The following NT5DC4 variants were observed in gnomAD, a reference collection of about 807,000 sequenced individuals.
NT5DC4 encodes 5'-nucleotidase domain containing 4.
In NT5DC4, 44 loss-of-function variants were observed where a neutral mutation model predicts 26.6. The ratio of observed to expected loss-of-function variants is 1.65; its 90% confidence interval spans 1.30 to 2.13. The LOEUF (loss-of-function observed/expected upper bound fraction) is 2.13, where lower values mean the gene tolerates loss of function less well. Ranked by LOEUF, NT5DC4 falls within the 30% of genes most tolerant of loss-of-function variation. The probability of loss-of-function intolerance (pLI) is 0.00; values close to 1 mark genes in which losing one functional copy is unlikely to be tolerated. For synonymous variants in NT5DC4, 157 were observed against 86.7 expected (o/e 1.81, Z -4.51); for missense variants, 399 against 228.1 (o/e 1.75, Z -4.83).
rs552082901 is a variant in NT5DC4, at chr2:112,721,152, C to T, written c.73C>T (p.Arg25Trp). ...PQGPKQDWHQ[R>W]IFVNRSLALG... ...AGGCCCGAAGCAGGACTGGCACCAG[C>T]GGTGAGATGGGCACCTGGGGTGGGG... Residue 25 changes from arginine (R) to tryptophan (W), a missense_variant and splice_region_variant, in exon 1 of 17, where the codon CGG becomes TGG. Coordinates refer to ENST00000688554, the MANE Select transcript of NT5DC4 (RefSeq NM_001393655.1). 5.9e-5 allele frequency among the ~76,000 whole-genome samples: 9 copies of T among 152,310 alleles called. No homozygotes were observed. The South Asian group carries it at 1.0e-3, about 18-fold the overall frequency.
chr2:112,742,529 A>C, downstream of NT5DC4: 2 of 713,582 alleles, frequency 2.8e-6, no homozygotes, highest in South Asian at 1.5e-5. Context: ...TAGTGCATTT[A>C]CTTGTAATAA....
At chr2:112,727,608 T>C (rs1677909436) in intron 15 of NT5DC4, among the ~76,000 whole-genome samples, 1 of 152,180 alleles carries the variant, frequency 6.6e-6, no homozygotes, top group Non-Finnish European at 1.5e-5. Flanking sequence ...AGTGAGGAGC[T>C]GCCCCACCTC....
At chr2:112,726,538 A>C in intron 14 of NT5DC4, 140 bp from the exon 15 acceptor site, 2 of 686,990 alleles carry the variant, frequency 2.9e-6, no homozygotes, top group South Asian at 1.6e-5. Context: ...CCTCGCACGC[A>C]TGCACACACC....
chr2:112,725,661 A>T lies in NT5DC4; in HGVS notation c.1153+109A>T, dbSNP rs374226253. On this transcript the variant is annotated intron_variant, in intron 13 of 16. Coordinates refer to ENST00000688554, the MANE Select transcript of NT5DC4 (RefSeq NM_001393655.1). ...GGGGGGTTAGTAGTTGTGACCAGGA[A>T]TCCTGGCCACTCTGTTGTTTCTGAG... The T allele has an allele frequency of 1.4e-5, 8 of 565,788 alleles. No individual in the cohort carries two copies. The Admixed American group carries it at 1.8e-4, about 13-fold the overall frequency. The allele number at this position is 565,788 out of a possible 1,614,324, so 35.0% of individuals were successfully genotyped here.
rs138357559 is a variant in NT5DC4 at position 112,738,888 on chromosome 2, A to T, written c.1345-25A>T. ...GCCTCATTTCTACGGAATATAAAACATTTTGTTTCTTCCACTTCTAACAGT... is the reference window on the plus strand; with the variant it reads ...GCCTCATTTCTACGGAATATAAAACTTTTTGTTTCTTCCACTTCTAACAGT... On this transcript the variant is annotated intron_variant, in intron 16 of 16. Coordinates refer to ENST00000688554, the MANE Select transcript of NT5DC4 (RefSeq NM_001393655.1). 976 of 1,613,984 alleles carry T rather than the reference A, an allele frequency of 6.0e-4. No homozygotes were observed. The highest frequency in any genetic ancestry group is 7.8e-4 in the Non-Finnish European group (917 of 1,179,958).
At position 112,723,219 on chromosome 2, in the gene NT5DC4, C is replaced by T. The variant is rs534385566; in HGVS notation, c.621+45C>T. The T allele has an allele frequency of 2.2e-5, 16 of 717,114 alleles. 1 individual carries two copies. The highest frequency in any genetic ancestry group is 2.1e-4 in the South Asian group (14 of 67,544). The allele number at this position is 717,114 out of a possible 1,614,324, so 44.4% of individuals were successfully genotyped here. On this transcript the variant is annotated intron_variant, in intron 7 of 16. Coordinates refer to ENST00000688554, the MANE Select transcript of NT5DC4 (RefSeq NM_001393655.1). ...CCCCCGGACCCCTGACCTGTCTGCTCTTGGTTCCCCGGGCAGCCTTCAGGC... is the reference window on the plus strand; with the variant it reads ...CCCCCGGACCCCTGACCTGTCTGCTTTTGGTTCCCCGGGCAGCCTTCAGGC...
At chr2:112,734,190 TG>T (rs1678803657) in intron 16 of NT5DC4, among the ~76,000 whole-genome samples, 2 of 152,034 alleles carry the variant, frequency 1.3e-5, no homozygotes, top group African/African-American at 4.8e-5. Flanking sequence ...TGTGTGTGTG[TG>T]TGTGTGTGTG....
chr2:112,725,306 C>T (rs1004762376), intron 12 of NT5DC4, 66 bp downstream of exon 12: 1 of 693,366 alleles, frequency 1.4e-6, no homozygotes, highest in African/African-American at 1.8e-5. Flanking sequence ...GGAGCCCAGG[C>T]CCCTCACCTG....
downstream of NT5DC4, among the ~76,000 whole-genome samples, chr2:112,740,362 C>T (rs974194568): frequency 3.9e-5 from 6 of 152,148 alleles, no homozygotes; most frequent in African/African-American, 7.2e-5. Flanking sequence ...ATGACACTGA[C>T]GCCCTGACAT....
At chr2:112,735,482 T>TC (rs60511460) in intron 16 of NT5DC4, among the ~76,000 whole-genome samples, 3,298 of 127,326 alleles carry the variant, frequency 0.026, 79 homozygotes, top group African/African-American at 0.058. Context: ...TATATAATCC[T>TC]CCCCCCCCTT....
intron 5 of NT5DC4, 51 bp from the exon 6 acceptor site, chr2:112,722,663 A>G: frequency 1.4e-6 from 1 of 716,956 alleles, no homozygotes; most frequent in South Asian, 1.5e-5. Flanking sequence ...GTCCTGGTGG[A>G]GAACTGTCTG....
intron 4 of NT5DC4, 64 bp downstream of exon 4, chr2:112,722,342 G>A (rs1392376312): frequency 4.2e-6 from 3 of 715,014 alleles, no homozygotes; most frequent in Non-Finnish European, 2.6e-6. Flanking sequence ...CCTTGGGGGA[G>A]GACAGAGGGA....
At chr2:112,719,503 T>G (rs1574216781), upstream of NT5DC4, among the ~76,000 whole-genome samples, 1 of 141,234 alleles carries the variant, frequency 7.1e-6, no homozygotes. Context: ...TTTTTTTTTT[T>G]GAGACGGAGT....
intron 1 of NT5DC4, among the ~76,000 whole-genome samples, 36 bp downstream of exon 1, chr2:112,721,189 C>A (rs1676831757): frequency 6.6e-6 from 1 of 152,206 alleles, no homozygotes; most frequent in South Asian, 2.1e-4. Context: ...CCAGGGGTCT[C>A]AGCCCATAAA....
chr2:112,742,494 G>A, downstream of NT5DC4: 2 of 718,392 alleles, frequency 2.8e-6, no homozygotes, highest in South Asian at 1.5e-5. Flanking sequence ...TGTTTTGGTG[G>A]AAACAACCTT....
In NT5DC4 at chr2:112,725,192, G is replaced by A. The variant is rs776935751; in HGVS notation, c.934G>A (p.Val312Met). The A allele has an allele frequency of 2.0e-5, 14 of 715,966 alleles. No homozygotes were observed. Among genetic ancestry groups the A allele is most frequent in the South Asian group, 5.9e-5 (4 of 67,574 alleles). The allele number at this position is 715,966 out of a possible 1,614,324, so 44.4% of individuals were successfully genotyped here. Residue 312 changes from valine to methionine, a missense_variant, in exon 12 of 17, where the codon GTG (valine) becomes ATG (methionine). Val to Met is a conservative substitution (Grantham distance 21, BLOSUM62 1). Coordinates refer to ENST00000688554, the MANE Select transcript of NT5DC4 (RefSeq NM_001393655.1). Reference protein sequence around the residue: ...AGAEDSGKLHVGTYTGPHQHC... With the variant: ...AGAEDSGKLHMGTYTGPHQHC... ...CCTCCAGGACTCAGGAAAGCTCCAC[G>A]TGGGCACCTACACAGGGCCCCACCA...
Position 112,724,133 on chromosome 2 carries a change from G to A in NT5DC4, c.789+7G>A, listed in dbSNP as rs1482325821. The A allele has an allele frequency of 2.8e-6, 2 of 717,010 alleles. No individual in the cohort carries two copies. Among genetic ancestry groups the A allele is most frequent in the Non-Finnish European group, 5.2e-6 (2 of 385,004 alleles). The allele number at this position is 717,010 out of a possible 1,614,324, so 44.4% of individuals were successfully genotyped here. The stretch of plus-strand genomic sequence containing the variant: ...CCTGTTCAGCATCAGTGAGGTGAGT[G>A]TTGGAGTGTTGCGTGCACGGCTGGG... On this transcript the variant is annotated splice_region_variant and intron_variant, in intron 10 of 16. Transcript: ENST00000688554.
intron 16 of NT5DC4, among the ~76,000 whole-genome samples, chr2:112,732,166 C>T (rs1371607998): frequency 1.3e-5 from 2 of 152,126 alleles, no homozygotes; most frequent in Non-Finnish European, 2.9e-5. Context: ...CTGCCTCGGC[C>T]TCTTAACGTG....
chr2:112,729,917 T>G (rs1678275906), intron 16 of NT5DC4, among the ~76,000 whole-genome samples: 1 of 152,226 alleles, frequency 6.6e-6, no homozygotes, highest in African/African-American at 2.4e-5. Context: ...ATTTCTCCTT[T>G]GTTAGAGTAT....
Sources: allele counts gnomAD v4.1 joint callset (sites outside exome capture counted in the v4.1 genomes callset), GRCh38; gene constraint gnomAD v4.1.1; transcripts MANE v1.5; gene names NCBI Gene and HGNC (gene_info 2026-07-23, HGNC 2026-07-21).